The following PXDN variants were observed in gnomAD, a reference collection of about 807,000 sequenced individuals.
PXDN encodes peroxidasin homolog.
A neutral mutation model predicts 140.3 loss-of-function variants in PXDN; 77 were observed. The ratio of observed to expected loss-of-function variants is 0.55; its 90% CI spans 0.46 to 0.66. The LOEUF (loss-of-function observed/expected upper bound fraction) is 0.66. PXDN is among the 30% of genes least tolerant of loss of function. The pLI, the probability that PXDN is intolerant of heterozygous loss-of-function variation, is 0.00. For synonymous variants in PXDN, 911 were observed against 857.4 expected, an observed-to-expected ratio of 1.06 and a Z score of -1.09; for missense variants, 1,838 against 2,039.5, an observed-to-expected ratio of 0.90 and a Z score of 1.90.
At chr2:1,671,039 T>C (rs1468616753) in intron 9 of PXDN, among the ~76,000 whole-genome samples, 3 of 151,984 alleles carry the variant, frequency 2.0e-5, no homozygotes, top group African/African-American at 7.3e-5. Context: ...ACCACATGGA[T>C]GCATCCAGAC....
intron 9 of PXDN, among the ~76,000 whole-genome samples, chr2:1,668,960 A>G (rs1446720156): frequency 1.3e-5 from 2 of 152,232 alleles, no homozygotes; most frequent in Non-Finnish European, 2.9e-5. Flanking sequence ...TATATACCCA[A>G]AGGATTATAA....
intron 17 of PXDN, among the ~76,000 whole-genome samples, chr2:1,645,035 C>A (rs1368625117): frequency 4.6e-5 from 7 of 152,066 alleles, no homozygotes; most frequent in African/African-American, 1.4e-4. Flanking sequence ...TAAGCCACAC[C>A]TTTTCCAACT....
intron 17 of PXDN, among the ~76,000 whole-genome samples, chr2:1,645,161 AT>A (rs1682822151): frequency 6.6e-6 from 1 of 152,220 alleles, no homozygotes; most frequent in African/African-American, 2.4e-5. Context: ...GTTCATGTGT[AT>A]TTTTAAAAGT....
In PXDN at chr2:1,648,875, G is replaced by C; in HGVS notation, c.2905C>G (p.Pro969Ala). 6.2e-7 allele frequency: 1 copy of C among 1,602,626 alleles called. No homozygotes were observed. Among genetic ancestry groups the C allele is most frequent in the Non-Finnish European group, 8.5e-7 (1 of 1,177,474 alleles). ...CGGTGGTCCCCGGCCAGGAAGCAGG[G>C]GATGGGGCTCTCGTTCTCGTCCCGC... is the stretch of plus-strand genomic sequence containing the variant. Reference protein sequence around the residue: ...CMRDENESPIPCFLAGDHRAN... With the variant: ...CMRDENESPIACFLAGDHRAN... Residue 969 changes from proline (P) to alanine (A), a missense_variant, in exon 17 of 23, where the codon CCC (proline) becomes GCC (alanine). Physicochemically the swap from Pro to Ala is conservative, Grantham distance 27 (BLOSUM62 -1). Coordinates refer to ENST00000252804, the MANE Select transcript of PXDN (RefSeq NM_012293.3). The surrounding 1 kb of genome is among the most constrained non-coding windows in gnomAD (Gnocchi z 8.9).
intron 1 of PXDN, among the ~76,000 whole-genome samples, chr2:1,724,302 C>T (rs1685124401): frequency 7.4e-6 from 1 of 135,908 alleles, no homozygotes; most frequent in East Asian, 2.4e-4. Flanking sequence ...TAAAGTAAGT[C>T]TGAATTTCCG....
chr2:1,709,274 T>G (rs1684696642), intron 1 of PXDN, among the ~76,000 whole-genome samples: 1 of 152,180 alleles, frequency 6.6e-6, no homozygotes, highest in Non-Finnish European at 1.5e-5. Flanking sequence ...CGGCGCTCGC[T>G]GCAGTGAAAG....
chr2:1,721,032 G>C (rs1265852277), intron 1 of PXDN, among the ~76,000 whole-genome samples: 3 of 152,144 alleles, frequency 2.0e-5, no homozygotes. Context: ...CAACTAACTG[G>C]ACGAGGTCCA....
intron 3 of PXDN, among the ~76,000 whole-genome samples, chr2:1,690,869 T>G (rs1684170239): frequency 1.3e-5 from 2 of 152,162 alleles, no homozygotes; most frequent in Non-Finnish European, 2.9e-5. Context: ...AGCTCTGTAA[T>G]TAACAGTCAC....
chr2:1,664,864 G>C (rs1385036408), intron 11 of PXDN, 94 bp downstream of exon 11: 4 of 1,111,096 alleles, frequency 3.6e-6, no homozygotes, highest in East Asian at 2.6e-5. Flanking sequence ...GCCCTGTCCA[G>C]AACACGCTGG....
chr2:1,640,504 C>T (rs1036331959), intron 19 of PXDN, among the ~76,000 whole-genome samples: 2 of 152,202 alleles, frequency 1.3e-5, no homozygotes, highest in African/African-American at 4.8e-5. Flanking sequence ...AGACAGAGAC[C>T]TAAAGCTCCC....
intron 1 of PXDN, among the ~76,000 whole-genome samples, chr2:1,709,147 G>T (rs984173671): frequency 6.6e-6 from 1 of 152,144 alleles, no homozygotes; most frequent in South Asian, 2.1e-4. Flanking sequence ...TGTGCTCGCC[G>T]CTCACTCATT....
chr2:1,720,422 C>A (rs1238852747), intron 1 of PXDN, among the ~76,000 whole-genome samples: 5 of 150,160 alleles, frequency 3.3e-5, no homozygotes, highest in Non-Finnish European at 5.9e-5. Flanking sequence ...GGGAGGGATG[C>A]AGAGAGAGAG....
At chr2:1,645,396 A>G (rs1318574437) in intron 17 of PXDN, among the ~76,000 whole-genome samples, 3 of 152,340 alleles carry the variant, frequency 2.0e-5, no homozygotes, top group Non-Finnish European at 4.4e-5. Context: ...GAACTCGACT[A>G]CGCAGCAGAT....
At chr2:1,730,841 G>A (rs1200290649) in intron 1 of PXDN, among the ~76,000 whole-genome samples, 1 of 151,896 alleles carries the variant, frequency 6.6e-6, no homozygotes, top group African/African-American at 2.4e-5. Flanking sequence ...TATGGTTCCA[G>A]TCGCTGAAAC....
intron 9 of PXDN, among the ~76,000 whole-genome samples, chr2:1,672,630 T>C (rs1419867949): frequency 6.6e-6 from 1 of 152,226 alleles, no homozygotes; most frequent in Non-Finnish European, 1.5e-5. Flanking sequence ...GGGCTTTCCT[T>C]TGAATGGAAA....
chr2:1,685,408 C>T lies in PXDN; in HGVS notation c.417-1257G>A, dbSNP rs933450549. 2.0e-5 allele frequency among the ~76,000 whole-genome samples: 3 copies of T among 152,212 alleles called. No homozygotes were observed. Among genetic ancestry groups the T allele is most frequent in the African/African-American group, 4.8e-5 (2 of 41,466 alleles). ...GAACCCGACAGAATCCCTGGAGCCT[C>T]GTCTCTGCCAGGCAGTGTGCTGACA... On this transcript the variant is annotated intron_variant, in intron 4 of 22. Coordinates refer to ENST00000252804, the MANE Select transcript of PXDN (RefSeq NM_012293.3). The surrounding 1 kb of genome is among the most constrained non-coding windows in gnomAD (Gnocchi z 5.1).
At chr2:1,667,842 A>G (rs549335872) in intron 9 of PXDN, among the ~76,000 whole-genome samples, 1 of 152,156 alleles carries the variant, frequency 6.6e-6, no homozygotes, top group African/African-American at 2.4e-5. Flanking sequence ...GCTCATGGAC[A>G]GGAAGAATCA....
chr2:1,666,068 A>AG (rs905356835), intron 10 of PXDN, 146 bp downstream of exon 10: 70 of 1,151,412 alleles, frequency 6.1e-5, no homozygotes, highest in Non-Finnish European at 7.5e-5. Context: ...ATTTAGTCCA[A>AG]GGGGGGTGTA....
chr2:1,638,218 T>G (rs1250024701), intron 21 of PXDN, among the ~76,000 whole-genome samples: 1 of 152,128 alleles, frequency 6.6e-6, no homozygotes, highest in Non-Finnish European at 1.5e-5. Flanking sequence ...CGCACTTCCT[T>G]CTATTTAGCC....
Sources: gnomAD v4.1 joint callset for allele counts (sites outside exome capture counted in the v4.1 genomes callset) on GRCh38, gnomAD v4.1.1 for gene constraint, Gnocchi (gnomAD v3.1) non-coding constraint, MANE v1.5 for transcripts, NCBI Gene and HGNC (gene_info 2026-07-23, HGNC 2026-07-21) for gene names.